VPS13D: variants seen among roughly 807,000 people sequenced by gnomAD.
VPS13D encodes intermembrane lipid transfer protein VPS13D.
VPS13D carries 187 observed loss-of-function variants against 461.9 expected under a neutral mutation model. That is an observed-to-expected ratio of 0.40 (90% confidence interval 0.36 to 0.46). The LOEUF is 0.46. Among genes scored for constraint, VPS13D ranks in the 20% least tolerant of loss-of-function variants. The probability of loss-of-function intolerance (pLI) is 0.60; values close to 1 mark genes in which losing one functional copy is unlikely to be tolerated. For missense variants in VPS13D, 4,711 were observed against 5,364.9 expected (o/e 0.88, Z 3.81); for synonymous variants, 1,951 against 1,986.3 (o/e 0.98, Z 0.47).
At chr1:12,296,579 C>T (rs1440678297) in intron 24 of VPS13D, among the ~76,000 whole-genome samples, 1 of 152,072 alleles carries the variant, frequency 6.6e-6, no homozygotes, top group Non-Finnish European at 1.5e-5. Flanking sequence ...AACCATTTTC[C>T]TATTTTTAAC....
intron 35 of VPS13D, among the ~76,000 whole-genome samples, chr1:12,324,650 A>C (rs1301434718): frequency 6.6e-6 from 1 of 152,236 alleles, no homozygotes; most frequent in Non-Finnish European, 1.5e-5. Context: ...TGTCTCCCTC[A>C]GAGATTTGAT....
chr1:12,298,746 T>G (rs1056552475), intron 24 of VPS13D, among the ~76,000 whole-genome samples: 1 of 152,218 alleles, frequency 6.6e-6, no homozygotes, highest in East Asian at 1.9e-4. Flanking sequence ...CATTGACTTA[T>G]GCTTTTTATT....
At chr1:12,377,922 C>T (rs985082577) in intron 55 of VPS13D, among the ~76,000 whole-genome samples, 1 of 151,476 alleles carries the variant, frequency 6.6e-6, no homozygotes, top group Non-Finnish European at 1.5e-5. Flanking sequence ...GAAAATTGGA[C>T]ACCATCAATA....
At chr1:12,415,907 G>A (rs1644787849) in intron 64 of VPS13D, among the ~76,000 whole-genome samples, 1 of 152,120 alleles carries the variant, frequency 6.6e-6, no homozygotes, top group Admixed American at 6.5e-5. Context: ...GGCCAGTCAT[G>A]GTGGCTCACA....
chr1:12,435,666 C>G (rs1305432087), intron 65 of VPS13D, among the ~76,000 whole-genome samples: 1 of 151,696 alleles, frequency 6.6e-6, no homozygotes, highest in East Asian at 1.9e-4. Flanking sequence ...CCGAGATTCT[C>G]TGATTCAGAG....
chr1:12,459,948 A>AT (rs779399019), intron 66 of VPS13D, among the ~76,000 whole-genome samples: 3,257 of 122,074 alleles, frequency 0.027, 72 homozygotes, highest in East Asian at 0.057. Flanking sequence ...CTTTTCTCTG[A>AT]TTTTTTTTTT....
rs1179727685 is a variant in VPS13D at position 12,261,968 on chromosome 1, T to C, written c.1482T>C (p.His494=). ...TGAACACGTATACAAAGCGAGATCA[T>C]GTCTTTGCCAAACTGAATTTGCAGT... The part of the protein sequence containing the change: ...SCMNTYTKRD[H]VFAKLNLQLQ... The change falls in exon 13 of 70, where the codon CAT becomes CAC. Residue 494 remains histidine, a synonymous_variant. Coordinates refer to ENST00000620676, the MANE Select transcript of VPS13D (RefSeq NM_015378.4). The C allele has an allele frequency of 4.3e-6, 7 of 1,614,108 alleles. No individual in the cohort carries two copies. The highest frequency in any genetic ancestry group is 1.7e-5 in the Admixed American group (1 of 60,008).
rs756024970 is a variant in VPS13D, at chr1:12,276,700, A to G, written c.3112A>G (p.Ser1038Gly). 4 of 1,614,082 alleles carry G rather than the reference A, an allele frequency of 2.5e-6. No homozygotes were observed. The African/African-American group carries it at 5.3e-5, about 22-fold the overall frequency. ...FDIPTGSLRD[S>G]RAQSPVSGPN... ...TATTCCAACGGGAAGCCTTCGGGAT[A>G]GCAGGGCCCAGTCTCCTGTCTCTGG... Residue 1038 changes from serine (S) to glycine (G), a missense_variant, in exon 19 of 70, where the codon AGC becomes GGC. Transcript: ENST00000620676. This position sits in a 1 kb window ranked among gnomAD's most constrained non-coding sequence, Gnocchi z 4.5.
At chr1:12,314,402 G>C (rs1251450221) in intron 30 of VPS13D, 75 bp downstream of exon 30, 1 of 1,470,470 alleles carries the variant, frequency 6.8e-7, no homozygotes, top group African/African-American at 1.4e-5. Flanking sequence ...GTTGGCTTTA[G>C]AACATCAAAA....
At chr1:12,355,787 A>G in intron 47 of VPS13D, 112 bp from the exon 48 acceptor site, 1 of 1,098,348 alleles carries the variant, frequency 9.1e-7, no homozygotes, top group Non-Finnish European at 1.2e-6. Context: ...AGATTTTTGC[A>G]GTTAGATACT....
intron 38 of VPS13D, 111 bp from the exon 39 acceptor site, chr1:12,335,594 A>AG: frequency 7.3e-7 from 1 of 1,369,482 alleles, no homozygotes. Context: ...AGCACAGGCC[A>AG]GGCATGTAAT....
chr1:12,268,851 C>G lies in VPS13D; in HGVS notation c.1947C>G (p.Phe649Leu), dbSNP rs1344940712. The G allele has an allele frequency of 1.2e-6, 2 of 1,612,940 alleles. No individual in the cohort carries two copies. The highest frequency in any genetic ancestry group is 2.7e-5 in the African/African-American group (2 of 74,846). ...CCATTAAAAAAGTAGCAGACTTTTT[C>G]TACAAGGGAAAGGTTCATACCTCAG... ...PQAIKKVADFFYKGKVHTSGF... is the reference protein window; with the variant it reads ...PQAIKKVADFLYKGKVHTSGF... Residue 649 changes from phenylalanine to leucine, a missense_variant, in exon 16 of 70, where the codon TTC becomes TTG. Phe to Leu is a conservative substitution (Grantham distance 22, BLOSUM62 0). This residue lies in a region of VPS13D where 4,411 missense variants were observed against 4,937.8 expected (regional missense o/e 0.89). Transcript: ENST00000620676.
At chr1:12,427,807 T>G (rs1467739571) in intron 65 of VPS13D, among the ~76,000 whole-genome samples, 1 of 152,206 alleles carries the variant, frequency 6.6e-6, no homozygotes, top group Non-Finnish European at 1.5e-5. Context: ...CAACATCGTC[T>G]CCATATTATA....
intron 7 of VPS13D, among the ~76,000 whole-genome samples, chr1:12,254,980 C>G (rs962582891): frequency 6.6e-6 from 1 of 151,136 alleles, no homozygotes; most frequent in African/African-American, 2.4e-5. Flanking sequence ...GCATCTCGCT[C>G]GGTTGCCCGG....
chr1:12,475,526 A>C (rs951334241), intron 67 of VPS13D, among the ~76,000 whole-genome samples: 13 of 152,252 alleles, frequency 8.5e-5, no homozygotes, highest in Non-Finnish European at 1.8e-4. Context: ...CACTAGGTTA[A>C]TCTGCAGCTG....
chr1:12,375,819 G>A (rs1324766745), intron 55 of VPS13D, among the ~76,000 whole-genome samples: 3 of 152,196 alleles, frequency 2.0e-5, no homozygotes, highest in South Asian at 2.1e-4. Flanking sequence ...TTCCACATGC[G>A]CTTTAACAAT....
chr1:12,379,828 G>A (rs1418127215), intron 57 of VPS13D, among the ~76,000 whole-genome samples: 2 of 151,682 alleles, frequency 1.3e-5, no homozygotes, highest in African/African-American at 4.8e-5. Context: ...GAGTGCAGTG[G>A]CACAATCTCG....
intron 57 of VPS13D, among the ~76,000 whole-genome samples, chr1:12,379,828 G>GCACAATCT (rs1644248829): frequency 6.6e-6 from 1 of 151,682 alleles, no homozygotes; most frequent in African/African-American, 2.4e-5. Flanking sequence ...GAGTGCAGTG[G>GCACAATCT]CACAATCTCG....
In VPS13D at chr1:12,260,701, G is replaced by A. The variant is rs772266311; in HGVS notation, c.1119G>A (p.Met373Ile). ...GLLSTDDKEE[M>I]CRIEEEQSFE... ...TGTTTTCACCCAAACAGGAGGAAAT[G>A]TGTCGGATTGAAGAGGAACAGAGCT... is the stretch of plus-strand genomic sequence containing the variant. The change falls in exon 11 of 70, where the codon ATG becomes ATA. Residue 373 changes from methionine (M) to isoleucine (I), a missense_variant. Around this residue, in one of 3 missense-constraint regions of VPS13D, gnomAD observed 4,411 missense variants for 4,937.8 expected, o/e 0.89. Transcript: ENST00000620676. 6.8e-6 allele frequency: 11 copies of A among 1,614,112 alleles called. No individual in the cohort carries two copies. Among genetic ancestry groups the A allele is most frequent in the Middle Eastern group, 1.6e-4 (1 of 6,062 alleles).
Sources: allele counts gnomAD v4.1 joint callset (sites outside exome capture counted in the v4.1 genomes callset), GRCh38; gene constraint gnomAD v4.1.1; regional missense constraint gnomAD v4.1.1; non-coding constraint Gnocchi (gnomAD v3.1); transcripts MANE v1.5; gene names NCBI Gene and HGNC (gene_info 2026-07-23, HGNC 2026-07-21).